Variants in PALM2AKAP2 observed in about 807,000 individuals in gnomAD.
PALM2AKAP2 encodes PALM2 and AKAP2 fusion.
In PALM2AKAP2, 37 loss-of-function variants were observed where a neutral mutation model predicts 71.5. That is an observed-to-expected ratio of 0.52 (90% CI 0.40 to 0.68). PALM2AKAP2 has a LOEUF of 0.68. PALM2AKAP2 is among the 30% of genes least tolerant of loss of function. The pLI is 0.00. For missense variants in PALM2AKAP2, 1,224 were observed against 1,191.8 expected, an observed-to-expected ratio of 1.03 and a Z score of -0.40; for synonymous variants, 468 against 478.8, an observed-to-expected ratio of 0.98 and a Z score of 0.29.
In PALM2AKAP2 at chr9:109,781,134, TG is replaced by T. The variant is rs2118796716; in HGVS notation, c.45+603del. On this transcript the variant is annotated intron_variant, in intron 1 of 9. Coordinates refer to the PALM2AKAP2 transcript ENST00000302798. ...ATATTCCATGAGAGCCTCCTTCTTA[TG>T]GTGTGGAGTATCTGAAAACCTATTT... Among the ~76,000 whole-genome samples the T allele has an allele frequency of 2.0e-5, 3 of 152,328 alleles. No individual in the cohort carries two copies. The South Asian group carries it at 6.2e-4, about 32-fold the overall frequency.
At chr9:109,865,477 A>G (rs972834367) in intron 1 of PALM2AKAP2, among the ~76,000 whole-genome samples, 3 of 151,994 alleles carry the variant, frequency 2.0e-5, no homozygotes, top group Non-Finnish European at 4.4e-5. Context: ...GTGATCACCA[A>G]TGAGCCTGCT....
In PALM2AKAP2 at chr9:109,783,248, C is replaced by A. The variant is rs542690767; in HGVS notation, c.45+2715C>A. Among the ~76,000 whole-genome samples the A allele has an allele frequency of 2.6e-5, 4 of 152,002 alleles. No homozygotes were observed. The East Asian group carries it at 7.7e-4, about 29-fold the overall frequency. ...GGATGGTGTTGAGCAGAGCCCTTAG[C>A]TTTTGTCTGTATTGCTGTCTTGTCC... On this transcript the variant is annotated intron_variant, in intron 1 of 9. Transcript: ENST00000302798.
At chr9:109,988,835 G>A (rs938461809) in intron 6 of PALM2AKAP2, among the ~76,000 whole-genome samples, 5 of 152,172 alleles carry the variant, frequency 3.3e-5, no homozygotes, top group East Asian at 1.9e-4. Context: ...CACTTGTTTC[G>A]GGAGGGACCT....
chr9:110,119,202 G>A (rs1291661419), intron 1 of PALM2AKAP2, among the ~76,000 whole-genome samples: 2 of 151,980 alleles, frequency 1.3e-5, no homozygotes, highest in South Asian at 2.1e-4. Flanking sequence ...AATTAGCTGG[G>A]TGTGGTGGTG....
At chr9:109,689,013 G>C (rs1827841661) in intron 1 of PALM2AKAP2, among the ~76,000 whole-genome samples, 1 of 152,128 alleles carries the variant, frequency 6.6e-6, no homozygotes, top group South Asian at 2.1e-4. Context: ...GCCACCATCA[G>C]TCAGTAGGAG....
At chr9:109,698,756 C>T (rs1828010568) in intron 1 of PALM2AKAP2, among the ~76,000 whole-genome samples, 2 of 152,138 alleles carry the variant, frequency 1.3e-5, no homozygotes, top group South Asian at 2.1e-4. Context: ...TATTTGTTCA[C>T]GTGTTCTTTC....
rs544306065 is a variant in PALM2AKAP2, at chr9:109,686,851, C to G, written c.5+45985C>G. On this transcript the variant is annotated intron_variant, in intron 1 of 6. Transcript: ENST00000374531. Reference sequence around the variant, plus strand: ...CCTCCCTCCACCCCACAACAGGCCCCGGTGTGTGATGTTCCCCTTCCTGTG... The same window carrying G: ...CCTCCCTCCACCCCACAACAGGCCCGGGTGTGTGATGTTCCCCTTCCTGTG... 1.3e-5 allele frequency among the ~76,000 whole-genome samples: 2 copies of G among 148,996 alleles called. 1 individual carries two copies. The highest frequency in any genetic ancestry group is 4.4e-4 in the South Asian group (2 of 4,512).
intron 1 of PALM2AKAP2, among the ~76,000 whole-genome samples, chr9:109,665,252 G>A (rs894547245): frequency 6.7e-6 from 1 of 148,812 alleles, no homozygotes; most frequent in African/African-American, 2.6e-5. Flanking sequence ...CGCTCCTTTG[G>A]AGGAGAAGAG....
At chr9:109,823,461 C>T (rs1252965458) in intron 1 of PALM2AKAP2, among the ~76,000 whole-genome samples, 1 of 152,168 alleles carries the variant, frequency 6.6e-6, no homozygotes, top group Non-Finnish European at 1.5e-5. Flanking sequence ...TCTTTATTTT[C>T]TGTATAAACT....
intron 5 of PALM2AKAP2, among the ~76,000 whole-genome samples, chr9:109,930,384 C>T (rs956557330): frequency 1.3e-5 from 2 of 152,136 alleles, no homozygotes; most frequent in Non-Finnish European, 2.9e-5. Context: ...TGCCACCATG[C>T]CCAGCTAATT....
chr9:110,118,881 A>C (rs1787375278), intron 1 of PALM2AKAP2, among the ~76,000 whole-genome samples: 1 of 152,232 alleles, frequency 6.6e-6, no homozygotes, highest in Non-Finnish European at 1.5e-5. Context: ...ACAAATAAAA[A>C]TATGTACATA....
intron 1 of PALM2AKAP2, among the ~76,000 whole-genome samples, chr9:110,093,086 G>C (rs932879017): frequency 2.0e-5 from 3 of 152,184 alleles, no homozygotes. Flanking sequence ...GGGAAATTGA[G>C]GGACATGTAT....
intron 1 of PALM2AKAP2, among the ~76,000 whole-genome samples, chr9:110,096,009 C>T (rs1834827306): frequency 6.6e-6 from 1 of 152,206 alleles, no homozygotes; most frequent in Admixed American, 6.5e-5. Flanking sequence ...CAAGCGCATG[C>T]ATGTGTCTGA....
intron 1 of PALM2AKAP2, among the ~76,000 whole-genome samples, chr9:109,668,685 A>G (rs1324822540): frequency 1.3e-5 from 2 of 152,214 alleles, no homozygotes; most frequent in African/African-American, 2.4e-5. Context: ...AACCAACACT[A>G]TCAAGAAGGT....
intron 6 of PALM2AKAP2, among the ~76,000 whole-genome samples, chr9:109,935,781 G>C (rs1588019840): frequency 6.6e-6 from 1 of 152,242 alleles, no homozygotes; most frequent in East Asian, 1.9e-4. Context: ...AATTCAACAA[G>C]GGAACTGGGA....
At chr9:109,942,810 T>A in intron 6 of PALM2AKAP2, 1 of 1,614,170 alleles carries the variant, frequency 6.2e-7, no homozygotes, top group Non-Finnish European at 8.5e-7. Flanking sequence ...ATGATGATGG[T>A]ACCAAAGTAG....
At chr9:109,905,602 G>T (rs1018536120) in intron 3 of PALM2AKAP2, among the ~76,000 whole-genome samples, 3 of 152,354 alleles carry the variant, frequency 2.0e-5, no homozygotes, top group East Asian at 1.9e-4. Flanking sequence ...CCATACAGGA[G>T]AAAAGTTTCA....
At chr9:109,698,870 A>C (rs1031646200) in intron 1 of PALM2AKAP2, among the ~76,000 whole-genome samples, 8 of 152,238 alleles carry the variant, frequency 5.3e-5, no homozygotes, top group Non-Finnish European at 8.8e-5. Context: ...GTAGAGACTT[A>C]CTTTTGAGAG....
intron 1 of PALM2AKAP2, among the ~76,000 whole-genome samples, chr9:109,694,813 T>A (rs1477927163): frequency 6.6e-6 from 1 of 152,094 alleles, no homozygotes; most frequent in East Asian, 1.9e-4. Flanking sequence ...TAGTACAGAA[T>A]CAGACTTAGA....
Sources: allele counts gnomAD v4.1 joint callset (sites outside exome capture counted in the v4.1 genomes callset), GRCh38; gene constraint gnomAD v4.1.1; transcripts MANE v1.5; gene names NCBI Gene and HGNC (gene_info 2026-07-23, HGNC 2026-07-21).